Variants in NT5DC1 observed in about 807,000 individuals in gnomAD.
The protein encoded by NT5DC1 is 5'-nucleotidase domain-containing protein 1.
NT5DC1 carries 42 observed loss-of-function variants against 59.4 expected under a neutral mutation model. The ratio of observed to expected loss-of-function variants is 0.71; its 90% CI spans 0.55 to 0.92. NT5DC1 has a LOEUF of 0.92. NT5DC1 is among the 40% of genes least tolerant of loss of function. The pLI is 0.00. For missense variants in NT5DC1, 501 were observed against 537.1 expected (o/e 0.93, Z 0.66); for synonymous variants, 172 against 188.1 (o/e 0.91, Z 0.70).
At chr6:116,135,080 A>G (rs1779556557) in intron 6 of NT5DC1, among the ~76,000 whole-genome samples, 1 of 152,016 alleles carries the variant, frequency 6.6e-6, no homozygotes, top group Non-Finnish European at 1.5e-5. Flanking sequence ...GATTTATTCA[A>G]CTCTTCAATG....
At chr6:116,128,423 A>C (rs973181519) in intron 6 of NT5DC1, among the ~76,000 whole-genome samples, 11 of 152,104 alleles carry the variant, frequency 7.2e-5, no homozygotes, top group African/African-American at 2.7e-4. Context: ...CTGTGGCTTT[A>C]TGAAGGAAAC....
At chr6:116,222,659 C>T (rs1183009208) in intron 7 of NT5DC1, among the ~76,000 whole-genome samples, 3 of 152,278 alleles carry the variant, frequency 2.0e-5, no homozygotes, top group African/African-American at 4.8e-5. Flanking sequence ...AAATTGTTAA[C>T]TCTTCAAGCT....
At chr6:116,117,172 C>G (rs1388312304) in intron 5 of NT5DC1, among the ~76,000 whole-genome samples, 3 of 152,048 alleles carry the variant, frequency 2.0e-5, no homozygotes, top group African/African-American at 4.8e-5. Context: ...ATAACACATT[C>G]TGATATCCCA....
intron 8 of NT5DC1, among the ~76,000 whole-genome samples, chr6:116,233,333 A>G (rs1002243412): frequency 2.0e-5 from 3 of 152,226 alleles, no homozygotes; most frequent in African/African-American, 7.2e-5. Context: ...AGGGCATTCT[A>G]AAGCCCTCCT....
chr6:116,156,505 C>A (rs977098638), intron 6 of NT5DC1, among the ~76,000 whole-genome samples: 4 of 152,078 alleles, frequency 2.6e-5, no homozygotes, highest in Non-Finnish European at 5.9e-5. Context: ...AAAAGGAATG[C>A]GTCTTAAGGA....
At chr6:116,180,442 T>G (rs1353398327) in intron 6 of NT5DC1, among the ~76,000 whole-genome samples, 1 of 152,046 alleles carries the variant, frequency 6.6e-6, no homozygotes, top group Non-Finnish European at 1.5e-5. Flanking sequence ...AATGAAATAA[T>G]GGACCTAGGT....
chr6:116,231,106 CAAAAAAAA>C (rs34948626), intron 8 of NT5DC1, among the ~76,000 whole-genome samples: 2 of 69,976 alleles, frequency 2.9e-5, no homozygotes, highest in Non-Finnish European at 5.1e-5. Flanking sequence ...AACTCCGTCT[CAAAAAAAA>C]AAAAAAAAAA....
intron 2 of NT5DC1, among the ~76,000 whole-genome samples, chr6:116,107,966 A>G (rs1037853889): frequency 3.3e-5 from 5 of 151,942 alleles, no homozygotes; most frequent in African/African-American, 7.3e-5. Context: ...AAGACTGGCT[A>G]AGTGCTTAAC....
intron 9 of NT5DC1, chr6:116,237,391 G>C (rs1429086229): frequency 2.0e-6 from 1 of 507,180 alleles, no homozygotes; most frequent in Non-Finnish European, 3.8e-6. Context: ...ACTTGTTTTT[G>C]ACAGAATGAT....
intron 6 of NT5DC1, among the ~76,000 whole-genome samples, chr6:116,214,593 C>G (rs1408406348): frequency 6.6e-6 from 1 of 152,098 alleles, no homozygotes; most frequent in Non-Finnish European, 1.5e-5. Context: ...GGCCCCACCC[C>G]AAACCTACTG....
chr6:116,114,435 A>G (rs767367924), intron 4 of NT5DC1, among the ~76,000 whole-genome samples: 22 of 145,986 alleles, frequency 1.5e-4, no homozygotes, highest in Non-Finnish European at 9.0e-5. Context: ...GCAAACGTCT[A>G]TTGAGTGCTT....
At chr6:116,187,292 G>A (rs1562156370) in intron 6 of NT5DC1, among the ~76,000 whole-genome samples, 3 of 151,970 alleles carry the variant, frequency 2.0e-5, no homozygotes, top group Non-Finnish European at 4.4e-5. Flanking sequence ...ACTCTGTGAG[G>A]GTCATTAGTT....
chr6:116,120,820 C>T, intron 6 of NT5DC1: 1 of 1,613,938 alleles, frequency 6.2e-7, no homozygotes, highest in Non-Finnish European at 8.5e-7. Context: ...TGTGTCCGGG[C>T]ATTCCCTTTG....
intron 6 of NT5DC1, among the ~76,000 whole-genome samples, chr6:116,133,500 A>G (rs1779517734): frequency 6.6e-6 from 1 of 152,208 alleles, no homozygotes; most frequent in Non-Finnish European, 1.5e-5. Flanking sequence ...GAGTACCTGT[A>G]GAATATTAAG....
intron 6 of NT5DC1, among the ~76,000 whole-genome samples, chr6:116,191,925 G>A (rs1781127065): frequency 6.6e-6 from 1 of 152,060 alleles, no homozygotes; most frequent in Non-Finnish European, 1.5e-5. Context: ...GCTGCTTCCT[G>A]TAAGCTACAT....
At chr6:116,172,635 A>G (rs1474840447) in intron 6 of NT5DC1, among the ~76,000 whole-genome samples, 1 of 152,104 alleles carries the variant, frequency 6.6e-6, no homozygotes, top group Non-Finnish European at 1.5e-5. Context: ...TTAGTAACAT[A>G]TATACTTTGT....
At chr6:116,214,205 G>A (rs913837365) in intron 6 of NT5DC1, among the ~76,000 whole-genome samples, 1 of 151,944 alleles carries the variant, frequency 6.6e-6, no homozygotes, top group African/African-American at 2.4e-5. Flanking sequence ...CAAGAGTATT[G>A]CTCTCAAGGC....
chr6:116,105,875 C>A (rs1029788826), intron 1 of NT5DC1, among the ~76,000 whole-genome samples: 2 of 151,948 alleles, frequency 1.3e-5, no homozygotes, highest in Non-Finnish European at 2.9e-5. Context: ...CAGAATGGAC[C>A]AAGGATGGAT....
chr6:116,133,415 G>A (rs965819387), intron 6 of NT5DC1, among the ~76,000 whole-genome samples: 3 of 152,086 alleles, frequency 2.0e-5, no homozygotes, highest in African/African-American at 4.8e-5. Flanking sequence ...TTGTTCCTCT[G>A]TTTGCCATCG....
Sources: allele counts gnomAD v4.1 joint callset (sites outside exome capture counted in the v4.1 genomes callset), GRCh38; gene constraint gnomAD v4.1.1; transcripts MANE v1.5; gene names NCBI Gene and HGNC (gene_info 2026-07-23, HGNC 2026-07-21).